KLF17: variants seen among roughly 807,000 people sequenced by gnomAD.
The protein encoded by KLF17 is Krueppel-like factor 17.
A neutral mutation model predicts 34.2 loss-of-function variants in KLF17; 31 were observed. That is an observed-to-expected ratio of 0.91 (90% CI 0.68 to 1.22). The LOEUF (loss-of-function observed/expected upper bound fraction) is 1.22. Ranked by LOEUF, KLF17 falls within the 50% of genes most tolerant of loss-of-function variation. KLF17 has a pLI of 0.00. For synonymous variants in KLF17, 179 were observed against 186.7 expected (o/e 0.96, Z 0.34); for missense variants, 478 against 505.2 (o/e 0.95, Z 0.52).
In KLF17 at chr1:44,134,302, A is replaced by G. The variant is rs1015886117; in HGVS notation, c.*1065A>G. ...TCCCAGCACTTTTGGAGGCCGAGGC[A>G]GGCGGATCATTTGAGGTTAGAGATT... On this transcript the variant is annotated 3_prime_UTR_variant, in exon 4 of 4. Coordinates refer to ENST00000372299, the MANE Select transcript of KLF17 (RefSeq NM_173484.4). 1 of 152,228 alleles carries G rather than the reference A, an allele frequency of 6.6e-6. No individual in the cohort carries two copies. Among genetic ancestry groups the G allele is most frequent in the African/African-American group, 2.4e-5 (1 of 41,436 alleles). The allele number at this position is 152,228 out of a possible 1,614,324, so 9.4% of individuals were successfully genotyped here.
chr1:44,132,655 G>T (rs76735613), intron 3 of KLF17, among the ~76,000 whole-genome samples: 2,233 of 152,250 alleles, frequency 0.015, 15 homozygotes, highest in Non-Finnish European at 0.018. Context: ...TATTCTAGGT[G>T]ACTGAGGACT....
the KLF17 span, among the ~76,000 whole-genome samples, chr1:44,072,987 T>C: frequency 6.6e-6 from 1 of 152,088 alleles, no homozygotes; most frequent in Non-Finnish European, 1.5e-5. Flanking sequence ...GTGAATAAGA[T>C]TTAATAAGAG....
chr1:44,100,479 G>C, the KLF17 span, among the ~76,000 whole-genome samples: 2 of 151,912 alleles, frequency 1.3e-5, no homozygotes, highest in South Asian at 4.2e-4. Flanking sequence ...CTAAGAATGA[G>C]GGGGGGAACC....
At chr1:44,066,351 A>G in the KLF17 span, among the ~76,000 whole-genome samples, 3 of 147,684 alleles carry the variant, frequency 2.0e-5, no homozygotes, top group Admixed American at 2.0e-4. Flanking sequence ...CCCCCCAAAA[A>G]AAACAACAAA....
chr1:44,105,021 T>C, the KLF17 span: 1 of 153,638 alleles, frequency 6.5e-6, no homozygotes, highest in Non-Finnish European at 1.4e-5. Context: ...TGTGGATCAC[T>C]TGAGCCAGGA....
At chr1:44,094,471 T>G in the KLF17 span, among the ~76,000 whole-genome samples, 4 of 152,184 alleles carry the variant, frequency 2.6e-5, no homozygotes, top group Non-Finnish European at 4.4e-5. Flanking sequence ...GGTTTCATAG[T>G]TTCCGGTCTT....
At chr1:44,088,956 G>T in the KLF17 span, among the ~76,000 whole-genome samples, 4 of 152,256 alleles carry the variant, frequency 2.6e-5, no homozygotes, top group South Asian at 6.2e-4. Context: ...TGGATAAAAA[G>T]ACCACAGGAG....
the KLF17 span, among the ~76,000 whole-genome samples, chr1:44,064,082 C>A: frequency 6.6e-6 from 1 of 152,038 alleles, no homozygotes; most frequent in Non-Finnish European, 1.5e-5. Context: ...ATGTACCCTC[C>A]CTAAACTAAC....
the KLF17 span, among the ~76,000 whole-genome samples, chr1:44,084,137 C>T: frequency 6.6e-6 from 1 of 152,172 alleles, no homozygotes; most frequent in Non-Finnish European, 1.5e-5. Context: ...GTTGCATGTG[C>T]CTGTACACAA....
the KLF17 span, chr1:44,103,677 A>G: frequency 5.0e-6 from 8 of 1,609,440 alleles, no homozygotes; most frequent in East Asian, 2.2e-5. Flanking sequence ...CTGCCGCGCC[A>G]TGTCCTGCTT....
chr1:44,127,868 C>CTT, intron 1 of KLF17, among the ~76,000 whole-genome samples: 1 of 100,548 alleles, frequency 9.9e-6, no homozygotes, highest in Non-Finnish European at 2.2e-5. Flanking sequence ...TTTCGGGTGA[C>CTT]TTTTTTTTTT....
At chr1:44,119,145 G>A (rs527560904) in intron 1 of KLF17, among the ~76,000 whole-genome samples, 157 bp downstream of exon 1, 32 of 151,674 alleles carry the variant, frequency 2.1e-4, no homozygotes, top group African/African-American at 7.5e-4. Flanking sequence ...GGGAGATTGG[G>A]GAGGGGTTGC....
At chr1:44,093,936 G>A in the KLF17 span, among the ~76,000 whole-genome samples, 1 of 152,350 alleles carries the variant, frequency 6.6e-6, no homozygotes, top group Admixed American at 6.5e-5. Context: ...GAGAGAAAGT[G>A]CTTGAAATGG....
At chr1:44,133,138 T>G (rs1379846268) in intron 3 of KLF17, 100 bp from the exon 4 acceptor site, 3 of 152,224 alleles carry the variant, frequency 2.0e-5, no homozygotes, top group Non-Finnish European at 4.4e-5. Context: ...GAGGAGCCCC[T>G]AATGGAAGGG....
the KLF17 span, among the ~76,000 whole-genome samples, chr1:44,111,836 T>C: frequency 2.0e-5 from 3 of 152,168 alleles, no homozygotes; most frequent in Admixed American, 2.0e-4. Flanking sequence ...GAGCTTGCAG[T>C]GAGCTGAGAT....
chr1:44,101,037 A>C, the KLF17 span, among the ~76,000 whole-genome samples: 12 of 152,146 alleles, frequency 7.9e-5, no homozygotes, highest in Non-Finnish European at 1.6e-4. Flanking sequence ...AAATACTAGG[A>C]CTCTAAGTAC....
At chr1:44,096,252 T>C in the KLF17 span, among the ~76,000 whole-genome samples, 1 of 152,026 alleles carries the variant, frequency 6.6e-6, no homozygotes, top group African/African-American at 2.4e-5. Context: ...TTGGTGGTCT[T>C]TAGGTTCTTC....
the KLF17 span, among the ~76,000 whole-genome samples, chr1:44,097,846 A>C: frequency 6.6e-6 from 1 of 152,112 alleles, no homozygotes; most frequent in African/African-American, 2.4e-5. Flanking sequence ...ATTTTATTAA[A>C]TGCTTTTTGA....
At chr1:44,056,286 G>A in the KLF17 span, among the ~76,000 whole-genome samples, 1 of 152,168 alleles carries the variant, frequency 6.6e-6, no homozygotes, top group Non-Finnish European at 1.5e-5. Flanking sequence ...GAGGATAGTG[G>A]GTTTCCCCCA....
Sources: gnomAD v4.1 joint callset for allele counts (sites outside exome capture counted in the v4.1 genomes callset) on GRCh38, gnomAD v4.1.1 for gene constraint, MANE v1.5 for transcripts, NCBI Gene and HGNC (gene_info 2026-07-23, HGNC 2026-07-21) for gene names.